The following PTPRD variants were observed in gnomAD, a reference collection of about 807,000 sequenced individuals.
PTPRD encodes receptor-type tyrosine-protein phosphatase delta.
In PTPRD, 34 loss-of-function variants were observed where a neutral mutation model predicts 214.5. The ratio of observed to expected loss-of-function variants is 0.16; its 90% CI spans 0.12 to 0.21. The LOEUF is 0.21. Ranked by LOEUF, PTPRD falls within the 10% of genes least tolerant of loss-of-function variation. The pLI, the probability that PTPRD is intolerant of heterozygous loss-of-function variation, is 1.00. For synonymous variants in PTPRD, 1,128 were observed against 845.7 expected (o/e 1.33, Z -5.79); for missense variants, 2,545 against 2,398.7 (o/e 1.06, Z -1.27).
chr9:8,640,367 A>C (rs1486128145), intron 12 of PTPRD, among the ~76,000 whole-genome samples: 2 of 152,156 alleles, frequency 1.3e-5, no homozygotes, highest in Non-Finnish European at 2.9e-5. Flanking sequence ...AAAAATTTAA[A>C]GAAAAGAAAA....
At chr9:8,345,201 C>T (rs1012957078) in intron 39 of PTPRD, among the ~76,000 whole-genome samples, 2 of 152,034 alleles carry the variant, frequency 1.3e-5, no homozygotes, top group South Asian at 2.1e-4. Flanking sequence ...GCCTTCCTAC[C>T]ACAGTGCTTG....
rs371233833 is a variant in PTPRD at position 8,424,509 on chromosome 9, T to G, written c.4086+12083A>C. On this transcript the variant is annotated intron_variant, in intron 35 of 45. Transcript: ENST00000381196. ...ACAGTAATGCATTCCGAAGAATGTCTGGCACATGGTAAGTGCTATACACAT... is the reference window on the plus strand; with the variant it reads ...ACAGTAATGCATTCCGAAGAATGTCGGGCACATGGTAAGTGCTATACACAT... Among the ~76,000 whole-genome samples the G allele has an allele frequency of 4.3e-4, 66 of 152,324 alleles. 3 individuals are homozygous for G. In the South Asian group the frequency reaches 0.014, roughly 32 times the overall value.
At chr9:9,964,057 C>CAGGCAGAGACGGAGGCAGAGACGG (rs144964249) in intron 4 of PTPRD, among the ~76,000 whole-genome samples, 13,724 of 147,960 alleles carry the variant, frequency 0.093, 1,024 homozygotes, top group South Asian at 0.25. Context: ...GAGGCAGAGG[C>CAGGCAGAGACGGAGGCAGAGACGG]AGGCAGAGAC....
chr9:9,630,300 A>T (rs1290825933), intron 7 of PTPRD, among the ~76,000 whole-genome samples: 1 of 152,190 alleles, frequency 6.6e-6, no homozygotes, highest in Non-Finnish European at 1.5e-5. Flanking sequence ...GCAAAGAAAA[A>T]GAATTGATCT....
At chr9:8,834,251 T>C (rs373038562) in intron 11 of PTPRD, among the ~76,000 whole-genome samples, 29 of 152,250 alleles carry the variant, frequency 1.9e-4, no homozygotes, top group African/African-American at 5.5e-4. Flanking sequence ...CTTTCTTACG[T>C]AGATTTATTT....
intron 4 of PTPRD, among the ~76,000 whole-genome samples, chr9:9,993,758 A>G (rs1026769286): frequency 8.4e-6 from 1 of 118,492 alleles, no homozygotes; most frequent in Admixed American, 9.1e-5. Context: ...TTAATGAGTT[A>G]GACATCTGTG....
chr9:8,953,305 T>C (rs535377458), intron 11 of PTPRD, among the ~76,000 whole-genome samples: 13 of 152,044 alleles, frequency 8.6e-5, no homozygotes, highest in African/African-American at 3.1e-4. Context: ...TGGCTATCCA[T>C]ATGCAGAAGA....
intron 12 of PTPRD, among the ~76,000 whole-genome samples, chr9:8,693,298 A>G (rs2097846815): frequency 6.6e-6 from 1 of 152,164 alleles, no homozygotes; most frequent in African/African-American, 2.4e-5. Flanking sequence ...TCTCCTATGG[A>G]CTTGAAAGAA....
At chr9:9,288,681 T>C (rs1263776014) in intron 9 of PTPRD, among the ~76,000 whole-genome samples, 1 of 151,914 alleles carries the variant, frequency 6.6e-6, no homozygotes, top group East Asian at 2.0e-4. Context: ...AATACATGCT[T>C]TGTTTTTCTT....
intron 14 of PTPRD, among the ~76,000 whole-genome samples, chr9:8,628,335 G>T (rs2096120900): frequency 6.6e-6 from 1 of 151,660 alleles, no homozygotes; most frequent in African/African-American, 2.4e-5. Flanking sequence ...AAAGTTGTAT[G>T]TTTTTTTTCC....
intron 9 of PTPRD, among the ~76,000 whole-genome samples, chr9:9,241,928 T>C (rs908902600): frequency 6.6e-6 from 1 of 152,098 alleles, no homozygotes; most frequent in Non-Finnish European, 1.5e-5. Flanking sequence ...TGATGCAACT[T>C]CTTCCCAGCA....
intron 4 of PTPRD, among the ~76,000 whole-genome samples, chr9:9,996,484 C>G (rs1355834857): frequency 2.0e-5 from 3 of 152,182 alleles, no homozygotes; most frequent in Non-Finnish European, 4.4e-5. Context: ...ATCAGGAAGA[C>G]TTATGCCTGG....
chr9:9,031,813 G>C (rs1380412835), intron 10 of PTPRD, among the ~76,000 whole-genome samples: 1 of 151,976 alleles, frequency 6.6e-6, no homozygotes, highest in Non-Finnish European at 1.5e-5. Flanking sequence ...ATGCCTCATA[G>C]GATAAATGGG....
chr9:8,357,297 C>G (rs2077208419), intron 39 of PTPRD, among the ~76,000 whole-genome samples: 1 of 152,198 alleles, frequency 6.6e-6, no homozygotes, highest in Admixed American at 6.5e-5. Context: ...GAAGTTAAAG[C>G]TATTCCCTCT....
At chr9:9,964,348 T>G (rs1001975899) in intron 4 of PTPRD, among the ~76,000 whole-genome samples, 2 of 152,162 alleles carry the variant, frequency 1.3e-5, no homozygotes, top group African/African-American at 4.8e-5. Context: ...TGAAGACAGG[T>G]GCAGGTCATG....
In PTPRD at chr9:8,316,231, A is replaced by T; in HGVS notation, c.*1643T>A. On this transcript the variant is annotated 3_prime_UTR_variant, in exon 46 of 46. Coordinates refer to ENST00000381196, the MANE Select transcript of PTPRD (RefSeq NM_002839.4). ...TGCATATTATTCAAAGAGTTTTTGT[A>T]CATGTGGTAAACAGATAATGCTTTA... 4.3e-6 allele frequency: 1 copy of T among 229,974 alleles called. No individual in the cohort carries two copies. The allele number at this position is 229,974 out of a possible 1,614,324, so 14.2% of individuals were successfully genotyped here. A position where few individuals can be genotyped will look rare whatever the true frequency, so the allele number is the denominator to read the frequency against.
At chr9:10,547,950 C>T (rs1286365014) in intron 2 of PTPRD, among the ~76,000 whole-genome samples, 2 of 151,954 alleles carry the variant, frequency 1.3e-5, no homozygotes, top group Non-Finnish European at 2.9e-5. Context: ...AGTTTGTAAT[C>T]AATCATGAGC....
At chr9:9,889,049 A>G (rs945169118) in intron 5 of PTPRD, among the ~76,000 whole-genome samples, 2 of 152,160 alleles carry the variant, frequency 1.3e-5, no homozygotes, top group African/African-American at 4.8e-5. Context: ...TCTCACTCAT[A>G]TGTGGAATCT....
intron 6 of PTPRD, among the ~76,000 whole-genome samples, chr9:9,748,220 TTTTA>T (rs1162683356): frequency 1.3e-5 from 2 of 152,224 alleles, no homozygotes; most frequent in Admixed American, 1.3e-4. Flanking sequence ...GTCTTATTAC[TTTTA>T]TTTACTTTTT....
Sources: gnomAD v4.1 joint callset for allele counts (sites outside exome capture counted in the v4.1 genomes callset) on GRCh38, gnomAD v4.1.1 for gene constraint, MANE v1.5 for transcripts, NCBI Gene and HGNC (gene_info 2026-07-23, HGNC 2026-07-21) for gene names.